CEP162: variants seen among roughly 807,000 people sequenced by gnomAD.
CEP162 encodes centrosomal protein of 162 kDa.
A neutral mutation model predicts 169.2 loss-of-function variants in CEP162; 141 were observed. That is an observed-to-expected ratio of 0.83 (90% CI 0.73 to 0.96). CEP162 has a LOEUF of 0.96. Among genes scored for constraint, CEP162 ranks in the 40% least tolerant of loss-of-function variants. CEP162 has a pLI of 0.00. For missense variants in CEP162, 1,600 were observed against 1,587.2 expected (o/e 1.01, Z -0.14); for synonymous variants, 540 against 526.4 (o/e 1.03, Z -0.35).
At chr6:84,154,330 A>ATCTATCTATCTG (rs1554165755) in intron 22 of CEP162, among the ~76,000 whole-genome samples, 7 of 149,336 alleles carry the variant, frequency 4.7e-5, no homozygotes, top group Admixed American at 2.7e-4. Context: ...CTATCTATCT[A>ATCTATCTATCTG]TCTGTCTGTC....
intron 25 of CEP162, among the ~76,000 whole-genome samples, chr6:84,143,871 G>A (rs1011994504): frequency 6.6e-6 from 1 of 151,908 alleles, no homozygotes; most frequent in African/African-American, 2.4e-5. Flanking sequence ...CAAAGATTTT[G>A]TGTTTTAGTA....
chr6:84,199,287 G>A (rs1480105919), intron 9 of CEP162, among the ~76,000 whole-genome samples: 5 of 152,234 alleles, frequency 3.3e-5, no homozygotes, highest in Middle Eastern at 3.4e-3. Context: ...AATGTGTCTC[G>A]ATGGGAAAAT....
chr6:84,169,181 A>T (rs2099528991), intron 18 of CEP162, 147 bp downstream of exon 18: 1 of 572,564 alleles, frequency 1.7e-6, no homozygotes, highest in Non-Finnish European at 3.0e-6. Flanking sequence ...CTAATTTAAG[A>T]TATTTCTCCC....
chr6:84,172,447 T>C (rs765075970), intron 16 of CEP162, among the ~76,000 whole-genome samples: 5 of 152,182 alleles, frequency 3.3e-5, no homozygotes, highest in Non-Finnish European at 7.3e-5. Context: ...GAGTATCTAA[T>C]GCAAACTATA....
At chr6:84,143,504 G>A (rs2099517545) in intron 25 of CEP162, among the ~76,000 whole-genome samples, 1 of 151,952 alleles carries the variant, frequency 6.6e-6, no homozygotes, top group South Asian at 2.1e-4. Context: ...GAGGAATGAA[G>A]ATGTGTTTTC....
intron 25 of CEP162, 147 bp from the exon 26 acceptor site, chr6:84,126,659 A>G: frequency 1.8e-6 from 1 of 543,554 alleles, no homozygotes; most frequent in East Asian, 3.2e-5. Context: ...TTCATTCTCT[A>G]TATCCAGAAA....
At chr6:84,215,678 C>T (rs1218284054) in intron 4 of CEP162, 98 bp downstream of exon 4, 4 of 1,444,950 alleles carry the variant, frequency 2.8e-6, no homozygotes, top group Non-Finnish European at 3.7e-6. Context: ...AATCTGTCTA[C>T]ATGCTTCAGT....
rs1200336844 is a variant in CEP162 at position 84,169,558 on chromosome 6, A to G, written c.2280-125T>C. On this transcript the variant is annotated intron_variant, in intron 17 of 26. Transcript: ENST00000403245. Reference sequence around the variant, plus strand: ...TGAAACTGTATGCATAAATGAAGGTAAAATTTTCATTTAATCTAAAGATTA... The same window carrying G: ...TGAAACTGTATGCATAAATGAAGGTGAAATTTTCATTTAATCTAAAGATTA... 4 of 523,514 alleles carry G rather than the reference A, an allele frequency of 7.6e-6. No individual in the cohort carries two copies. In the East Asian group the frequency reaches 1.3e-4, roughly 16 times the overall value. The allele number at this position is 523,514 out of a possible 1,614,324, so 32.4% of individuals were successfully genotyped here. A position where few individuals can be genotyped will look rare whatever the true frequency, so the allele number is the denominator to read the frequency against.
intron 24 of CEP162, among the ~76,000 whole-genome samples, chr6:84,147,456 G>T (rs560292575): frequency 6.6e-6 from 1 of 152,172 alleles, no homozygotes; most frequent in East Asian, 1.9e-4. Flanking sequence ...ACAATATTAT[G>T]TGTATTTCAC....
At chr6:84,212,399 A>G (rs77727551) in intron 6 of CEP162, among the ~76,000 whole-genome samples, 2,481 of 152,262 alleles carry the variant, frequency 0.016, 58 homozygotes, top group African/African-American at 0.056. Flanking sequence ...GTTGACAAAA[A>G]TAGCAAAATG....
At position 84,186,307 on chromosome 6, in the gene CEP162, A is replaced by G. The variant is rs769666434; in HGVS notation, c.1401+25T>C. 1.2e-5 allele frequency: 15 copies of G among 1,288,576 alleles called. No individual in the cohort carries two copies. In the East Asian group the frequency reaches 3.3e-4, roughly 28 times the overall value. The allele number at this position is 1,288,576 out of a possible 1,614,324, so 79.8% of individuals were successfully genotyped here. ...CATAACTTCGGTTCTCAATCTCTCA[A>G]ATCAATTTGATGATAAATACTTACT... On this transcript the variant is annotated intron_variant, in intron 12 of 26. Transcript: ENST00000403245.
At chr6:84,145,657 C>T (rs2099518538) in intron 25 of CEP162, among the ~76,000 whole-genome samples, 1 of 152,052 alleles carries the variant, frequency 6.6e-6, no homozygotes, top group African/African-American at 2.4e-5. Context: ...TTTTCTCCTA[C>T]CCTCCTGCCT....
intron 18 of CEP162, among the ~76,000 whole-genome samples, chr6:84,165,301 T>C (rs973906788): frequency 4.6e-5 from 7 of 152,058 alleles, no homozygotes; most frequent in African/African-American, 1.4e-4. Flanking sequence ...GTATCATAAA[T>C]GCATAAAAAA....
Position 84,136,416 on chromosome 6 carries a change from C to G in CEP162, c.3871-9904G>C, listed in dbSNP as rs1305366329. On this transcript the variant is annotated intron_variant, in intron 25 of 26. Coordinates refer to ENST00000403245, the MANE Select transcript of CEP162 (RefSeq NM_014895.4). Reference sequence around the variant, plus strand: ...TGAGACAGAGAGGGAATGAGAACCACTGAACTTATTCTTCTATCATGAGCC... The same window carrying G: ...TGAGACAGAGAGGGAATGAGAACCAGTGAACTTATTCTTCTATCATGAGCC... Among the ~76,000 whole-genome samples the G allele has an allele frequency of 3.3e-5, 5 of 152,292 alleles. No homozygotes were observed. In the South Asian group the frequency reaches 1.0e-3, roughly 32 times the overall value.
At chr6:84,198,977 A>C (rs961579471) in intron 9 of CEP162, among the ~76,000 whole-genome samples, 1 of 152,214 alleles carries the variant, frequency 6.6e-6, no homozygotes, top group African/African-American at 2.4e-5. Flanking sequence ...TGTAATTATA[A>C]TATTTTAAAT....
At chr6:84,202,589 T>A (rs1211223901) in intron 7 of CEP162, among the ~76,000 whole-genome samples, 1 of 139,436 alleles carries the variant, frequency 7.2e-6, no homozygotes, top group East Asian at 2.2e-4. Context: ...GTGCAGTGGC[T>A]CAATCTTGGC....
chr6:84,161,950 C>A, intron 19 of CEP162, 41 bp from the exon 20 acceptor site: 1 of 1,217,256 alleles, frequency 8.2e-7, no homozygotes, highest in Non-Finnish European at 1.2e-6. Flanking sequence ...TGTTGTTCTC[C>A]AAAATATGGA....
At chr6:84,183,200 T>C (rs778349512) in intron 13 of CEP162, among the ~76,000 whole-genome samples, 3 of 152,148 alleles carry the variant, frequency 2.0e-5, no homozygotes, top group Non-Finnish European at 4.4e-5. Flanking sequence ...TTTTAAAATA[T>C]GAAAAATGAG....
chr6:84,177,540 T>C (rs2099532902), intron 13 of CEP162, among the ~76,000 whole-genome samples: 1 of 152,110 alleles, frequency 6.6e-6, no homozygotes, highest in Admixed American at 6.5e-5. Flanking sequence ...GAATAATCTT[T>C]ATTTATTTAT....
Sources: gnomAD v4.1 joint callset for allele counts (sites outside exome capture counted in the v4.1 genomes callset) on GRCh38, gnomAD v4.1.1 for gene constraint, MANE v1.5 for transcripts, NCBI Gene and HGNC (gene_info 2026-07-23, HGNC 2026-07-21) for gene names.